Variants in HIPK2 observed in about 807,000 individuals in gnomAD.
The protein encoded by HIPK2 is homeodomain interacting protein kinase 2, also known as homeodomain-interacting protein kinase 2.
HIPK2 carries 27 observed loss-of-function variants against 113.7 expected under a neutral mutation model. That is an observed-to-expected ratio of 0.24 (90% CI 0.17 to 0.33). The LOEUF (loss-of-function observed/expected upper bound fraction) is 0.33. HIPK2 is among the 10% of genes least tolerant of loss of function. The pLI, the probability that HIPK2 is intolerant of heterozygous loss-of-function variation, is 1.00. For missense variants in HIPK2, 1,257 were observed against 1,588.0 expected (o/e 0.79, Z 3.54); for synonymous variants, 631 against 642.2 (o/e 0.98, Z 0.26).
chr7:139,580,641 A>G (rs770001286), intron 13 of HIPK2, among the ~76,000 whole-genome samples: 1 of 152,186 alleles, frequency 6.6e-6, no homozygotes, highest in East Asian at 1.9e-4. Flanking sequence ...GGGTGCTTAC[A>G]GCACAGATAA....
At chr7:139,743,528 A>T (rs1450974079) in intron 1 of HIPK2, among the ~76,000 whole-genome samples, 1 of 152,224 alleles carries the variant, frequency 6.6e-6, no homozygotes, top group Non-Finnish European at 1.5e-5. Context: ...AGGTGTCCAT[A>T]GCACAGGACA....
intron 2 of HIPK2, among the ~76,000 whole-genome samples, chr7:139,648,660 C>G (rs1278761930): frequency 2.0e-5 from 3 of 152,308 alleles, no homozygotes; most frequent in African/African-American, 7.2e-5. Context: ...CCATCACTTC[C>G]TACCGAGCAA....
chr7:139,774,103 A>C (rs1796699010), intron 1 of HIPK2, among the ~76,000 whole-genome samples: 1 of 152,202 alleles, frequency 6.6e-6, no homozygotes, highest in Non-Finnish European at 1.5e-5. Flanking sequence ...TGGTGCCCAA[A>C]CTGGAAAGGG....
At chr7:139,625,205 T>C (rs1800385189) in intron 6 of HIPK2, among the ~76,000 whole-genome samples, 2 of 152,168 alleles carry the variant, frequency 1.3e-5, no homozygotes, top group African/African-American at 4.8e-5. Flanking sequence ...ACCCCTCTAT[T>C]TCTTCTCTTG....
chr7:139,572,764 G>GCCA lies in HIPK2; in HGVS notation c.*162_*163insTGG. 1.4e-4 allele frequency: 4 copies of GCCA among 27,800 alleles called. 2 individuals are homozygous for GCCA. The South Asian group carries it at 4.3e-3, about 30-fold the overall frequency. The allele number at this position is 27,800 out of a possible 1,614,324, so 1.7% of individuals were successfully genotyped here. A position where few individuals can be genotyped will look rare whatever the true frequency, so the allele number is the denominator to read the frequency against. On this transcript the variant is annotated 3_prime_UTR_variant, in exon 15 of 15. Coordinates refer to ENST00000406875, the MANE Select transcript of HIPK2 (RefSeq NM_022740.5). ...GTCCCGACCCGTCCCCCTGCCCTCT[G>GCCA]CCCCCCCCCCCCCCCCCGCCCCTGC...
chr7:139,626,102 C>CT (rs202173911), intron 6 of HIPK2, among the ~76,000 whole-genome samples: 5 of 144,616 alleles, frequency 3.5e-5, no homozygotes, highest in South Asian at 4.2e-4. Flanking sequence ...TTCTTTTTTT[C>CT]TTTCCTTTTT....
chr7:139,626,702 C>G lies in HIPK2; in HGVS notation c.1518G>C (p.Lys506Asn). 1 of 1,613,964 alleles carries G rather than the reference C, an allele frequency of 6.2e-7. No individual in the cohort carries two copies. The highest frequency in any genetic ancestry group is 8.5e-7 in the Non-Finnish European group (1 of 1,179,898). ...DRREFIDLLK[K>N]MLTIDADKRI... is the part of the protein sequence containing the mutation. ...TCTTGTCAGCATCAATGGTCAGCAT[C>G]TTCTTCAACAGGTCAATGAACTCCC... The change falls in exon 6 of 15, where the codon AAG (lysine) becomes AAC (asparagine). Residue 506 changes from lysine (K) to asparagine (N), a missense_variant. Coordinates refer to ENST00000406875, the MANE Select transcript of HIPK2 (RefSeq NM_022740.5).
intron 1 of HIPK2, among the ~76,000 whole-genome samples, chr7:139,770,940 T>A (rs1435220210): frequency 6.6e-6 from 1 of 152,248 alleles, no homozygotes. Flanking sequence ...CTGCCTTTTC[T>A]TTTTTGGCAA....
At chr7:139,668,167 C>A (rs28547109) in intron 2 of HIPK2, among the ~76,000 whole-genome samples, 4,201 of 150,112 alleles carry the variant, frequency 0.028, 186 homozygotes, top group African/African-American at 0.096. Context: ...CAGTTACCTG[C>A]ATATGATATG....
chr7:139,579,135 G>A (rs566972390), intron 13 of HIPK2, among the ~76,000 whole-genome samples: 3 of 152,296 alleles, frequency 2.0e-5, no homozygotes, highest in South Asian at 4.1e-4. Flanking sequence ...GCCAAAATGC[G>A]GTGCTATTGT....
chr7:139,656,920 G>C (rs898079411), intron 2 of HIPK2, among the ~76,000 whole-genome samples: 1 of 151,540 alleles, frequency 6.6e-6, no homozygotes, highest in African/African-American at 2.4e-5. Flanking sequence ...ACCCAGGCTG[G>C]AGTGCAATGG....
chr7:139,738,185 C>A (rs191374864), intron 1 of HIPK2, among the ~76,000 whole-genome samples: 67 of 152,348 alleles, frequency 4.4e-4, no homozygotes, highest in Non-Finnish European at 2.6e-4. Flanking sequence ...TCCACCGGGT[C>A]AACTGACAAA....
intron 2 of HIPK2, among the ~76,000 whole-genome samples, chr7:139,664,197 T>C (rs1305273222): frequency 6.6e-6 from 1 of 152,220 alleles, no homozygotes; most frequent in East Asian, 1.9e-4. Flanking sequence ...TGCATTCATC[T>C]ACTTATTTTT....
intron 2 of HIPK2, among the ~76,000 whole-genome samples, chr7:139,652,838 GA>G (rs1360011549): frequency 2.4e-4 from 37 of 152,032 alleles, no homozygotes; most frequent in Non-Finnish European, 2.4e-4. Flanking sequence ...ACAGAGGCAG[GA>G]AAACACAAAG....
chr7:139,701,734 C>T (rs901947329), intron 2 of HIPK2, among the ~76,000 whole-genome samples: 32 of 152,254 alleles, frequency 2.1e-4, no homozygotes, highest in Middle Eastern at 6.8e-3. Context: ...TTATACTAAA[C>T]GCAAATTATT....
chr7:139,680,089 C>T (rs978576017), intron 2 of HIPK2, among the ~76,000 whole-genome samples: 10 of 152,114 alleles, frequency 6.6e-5, no homozygotes, highest in Non-Finnish European at 1.3e-4. Context: ...TAAGGTAAAC[C>T]GATCTCTTAA....
intron 2 of HIPK2, among the ~76,000 whole-genome samples, chr7:139,710,023 A>T (rs1053329854): frequency 7.9e-5 from 12 of 152,290 alleles, no homozygotes; most frequent in South Asian, 6.2e-4. Context: ...TTCCTGAGTA[A>T]CAACAGTTGT....
At chr7:139,776,032 A>T (rs1283000215) in intron 1 of HIPK2, among the ~76,000 whole-genome samples, 1 of 152,158 alleles carries the variant, frequency 6.6e-6, no homozygotes, top group Non-Finnish European at 1.5e-5. Context: ...TCATTTTAAC[A>T]CTCTAGACAG....
chr7:139,775,810 T>C (rs1796731344), intron 1 of HIPK2, among the ~76,000 whole-genome samples: 2 of 152,100 alleles, frequency 1.3e-5, no homozygotes, highest in Admixed American at 1.3e-4. Flanking sequence ...GGATTTAAAA[T>C]GAAAGGAGCA....
Sources: gnomAD v4.1 joint callset for allele counts (sites outside exome capture counted in the v4.1 genomes callset) on GRCh38, gnomAD v4.1.1 for gene constraint, MANE v1.5 for transcripts, NCBI Gene and HGNC (gene_info 2026-07-23, HGNC 2026-07-21) for gene names.